SSX3: variants seen among roughly 807,000 people sequenced by gnomAD.
SSX3 encodes the protein protein SSX3.
A neutral mutation model predicts 14.8 loss-of-function variants in SSX3; 6 were observed. That is an observed-to-expected ratio of 0.41 (90% CI 0.22 to 0.80). SSX3 has a LOEUF of 0.80. Ranked by LOEUF, SSX3 falls within the 30% of genes least tolerant of loss-of-function variation. The pLI is 0.34. For synonymous variants in SSX3, 55 were observed against 52.9 expected, an observed-to-expected ratio of 1.04 and a Z score of -0.18; for missense variants, 163 against 152.2, an observed-to-expected ratio of 1.07 and a Z score of -0.37.
chrX:48,353,287 C>T (rs781958698), intron 4 of SSX3, among the ~76,000 whole-genome samples: 2 of 110,927 alleles, frequency 1.8e-5, no homozygotes, highest in South Asian at 7.6e-4. Context: ...AACATTACCC[C>T]ACAGCTAAGT....
chrX:48,351,110 T>C (rs1226052796), intron 5 of SSX3, among the ~76,000 whole-genome samples: 1 of 111,692 alleles, frequency 9.0e-6, no homozygotes, highest in Non-Finnish European at 1.9e-5. Context: ...TATGAAATAG[T>C]GAACCATACA....
At chrX:48,348,327 G>A (rs2061247224) in intron 6 of SSX3, 1 of 509,704 alleles carries the variant, frequency 2.0e-6, no homozygotes, top group Non-Finnish European at 3.6e-6. Flanking sequence ...TTGTTTTGGG[G>A]GTACCAGGAA....
intron 5 of SSX3, among the ~76,000 whole-genome samples, 196 bp downstream of exon 5, chrX:48,351,904 C>T (rs369135149): frequency 8.9e-6 from 1 of 111,933 alleles, no homozygotes; most frequent in East Asian, 2.8e-4. Context: ...TATCTGGCAT[C>T]ACTATGAAAA....
chrX:48,347,443 T>C, intron 7 of SSX3, 57 bp downstream of exon 7: 6 of 1,202,311 alleles, frequency 5.0e-6, no homozygotes, highest in Non-Finnish European at 6.8e-6. Context: ...GATGCCAGTA[T>C]CATAACAGAA....
intron 5 of SSX3, among the ~76,000 whole-genome samples, chrX:48,351,054 C>A (rs1456958825): frequency 1.8e-5 from 2 of 110,992 alleles, no homozygotes; most frequent in Admixed American, 9.6e-5. Flanking sequence ...CAGTCGTGAG[C>A]CACCGCGCCC....
At chrX:48,351,491 A>G (rs1253922590) in intron 5 of SSX3, among the ~76,000 whole-genome samples, 1 of 112,331 alleles carries the variant, frequency 8.9e-6, no homozygotes, top group Non-Finnish European at 1.9e-5. Context: ...GGGTGTCTCA[A>G]TGGAAGCACC....
In SSX3 at chrX:48,350,036, C is replaced by T. The variant is rs1556949305; in HGVS notation, c.417G>A (p.Leu139=). ...ASGPQNDGKQ[L]CPPGKPTTSE... ...AGGTAGTTGGTTTTCCCGGGGGGCACAGCTGTTTCCCATCGTTTTGTGGGC... is the reference window on the plus strand; with the variant it reads ...AGGTAGTTGGTTTTCCCGGGGGGCATAGCTGTTTCCCATCGTTTTGTGGGC... The change falls in exon 6 of 8, where the codon CTG becomes CTA. Residue 139 remains leucine (L), a synonymous_variant. Transcript: ENST00000298396. 8.3e-7 allele frequency: 1 copy of T among 1,211,826 alleles called. No individual in the cohort carries two copies. The highest frequency in any genetic ancestry group is 1.7e-5 in the African/African-American group (1 of 57,825).
At chrX:48,354,819 C>T (rs1172573068) in intron 2 of SSX3, 73 bp from the exon 3 acceptor site, 1 of 1,178,306 alleles carries the variant, frequency 8.5e-7, no homozygotes, top group African/African-American at 1.8e-5. Context: ...GGAGTCGCTT[C>T]CTGTGTGCTG....
intron 6 of SSX3, among the ~76,000 whole-genome samples, chrX:48,348,019 T>C (rs1556948889): frequency 8.9e-6 from 1 of 112,632 alleles, no homozygotes; most frequent in Non-Finnish European, 1.9e-5. Flanking sequence ...ATTATATCTG[T>C]TATAGTGATC....
Position 48,346,963 on chromosome X carries a change from A to G in SSX3, c.*77T>C, listed in dbSNP as rs188889290. 114 of 1,195,612 alleles carry G rather than the reference A, an allele frequency of 9.5e-5. No homozygotes were observed. Among genetic ancestry groups the G allele is most frequent in the South Asian group, 6.2e-4 (35 of 56,729 alleles). On this transcript the variant is annotated 3_prime_UTR_variant, in exon 8 of 8. Transcript: ENST00000298396. ...CTATGCACCTGATGACGAGGGGTCC[A>G]CAGCCATGCCCATGTTCGTGAAAGG...
intron 6 of SSX3, 133 bp downstream of exon 6, chrX:48,349,854 A>T: frequency 1.7e-6 from 2 of 1,147,959 alleles, no homozygotes; most frequent in Non-Finnish European, 2.3e-6. Context: ...CTAACATCTC[A>T]TCTGGAGCTG....
rs782491061 is a variant in SSX3 at position 48,354,691 on chromosome X, A to G, written c.125T>C (p.Val42Ala). 26 of 1,208,116 alleles carry G rather than the reference A, an allele frequency of 2.2e-5. No individual in the cohort carries two copies. The highest frequency in any genetic ancestry group is 2.6e-5 in the Non-Finnish European group (23 of 893,845). The change falls in exon 3 of 8, where the codon GTC (valine) becomes GCC (alanine). Residue 42 changes from valine (V) to alanine (A), a missense_variant. Coordinates refer to ENST00000298396, the MANE Select transcript of SSX3 (RefSeq NM_021014.4). ...FSKEEWEKMK[V>A]SEKIVYVYMK... ...ATACACATAGACGATTTTCTCCGAG[A>G]CTTTCATCTTTTCCCACTCTTCCTT...
rs1466957945 is a variant in SSX3, at chrX:48,349,859, G to T, written c.466+128C>A. ...GAAGTCATGTCTAACATCTCATCTGGAGCTGGGCAAGCTCCTCAGCCCAGC... is the reference window on the plus strand; with the variant it reads ...GAAGTCATGTCTAACATCTCATCTGTAGCTGGGCAAGCTCCTCAGCCCAGC... On this transcript the variant is annotated intron_variant, in intron 6 of 7. Transcript: ENST00000298396. 3 of 1,151,933 alleles carry T rather than the reference G, an allele frequency of 2.6e-6. No homozygotes were observed. In the African/African-American group the frequency reaches 5.5e-5, roughly 21 times the overall value. 94.9% of individuals were successfully genotyped at this position (1,151,933 alleles called of 1,213,427 possible).
intron 4 of SSX3, among the ~76,000 whole-genome samples, chrX:48,353,253 T>TA (rs1326095850): frequency 9.0e-6 from 1 of 111,028 alleles, no homozygotes; most frequent in Non-Finnish European, 1.9e-5. Flanking sequence ...GTATGGGGAA[T>TA]AATATTGAGT....
At chrX:48,350,187 C>A (rs1217086209) in intron 5 of SSX3, 65 bp from the exon 6 acceptor site, 24 of 1,188,833 alleles carry the variant, frequency 2.0e-5, no homozygotes, top group Non-Finnish European at 2.6e-5. Context: ...TTTGAGCTTA[C>A]AAAGGGTCTT....
intron 3 of SSX3, 129 bp downstream of exon 3, chrX:48,354,503 C>T (rs1247204026): frequency 5.2e-6 from 4 of 764,195 alleles, no homozygotes; most frequent in Non-Finnish European, 7.5e-6. Context: ...CACCCAGAAG[C>T]TGCCTTGCGA....
chrX:48,349,339 G>T, intron 6 of SSX3: 2 of 445,843 alleles, frequency 4.5e-6, no homozygotes, highest in Non-Finnish European at 7.2e-6. Flanking sequence ...CATCAACACC[G>T]AGGCAAGACC....
intron 6 of SSX3, among the ~76,000 whole-genome samples, chrX:48,348,799 G>A (rs1459948668): frequency 8.9e-6 from 1 of 112,573 alleles, no homozygotes; most frequent in Non-Finnish European, 1.9e-5. Flanking sequence ...CAGGATAGAA[G>A]ATGAAACCAG....
At chrX:48,351,243 C>T (rs1556949778) in intron 5 of SSX3, among the ~76,000 whole-genome samples, 1 of 111,980 alleles carries the variant, frequency 8.9e-6, no homozygotes, top group Non-Finnish European at 1.9e-5. Context: ...GGCAACCCAA[C>T]TCCCAGATCC....
Sources: allele counts gnomAD v4.1 joint callset (sites outside exome capture counted in the v4.1 genomes callset), GRCh38; gene constraint gnomAD v4.1.1; transcripts MANE v1.5; gene names NCBI Gene and HGNC (gene_info 2026-07-23, HGNC 2026-07-21).